TDRKH: variants seen among roughly 807,000 people sequenced by gnomAD.
The protein encoded by TDRKH is tudor and KH domain-containing protein.
TDRKH carries 28 observed loss-of-function variants against 61.3 expected under a neutral mutation model. That is an observed-to-expected ratio of 0.46 (90% CI 0.34 to 0.63). TDRKH has a LOEUF of 0.63. Among genes scored for constraint, TDRKH ranks in the 20% least tolerant of loss-of-function variants. TDRKH has a pLI of 0.01. For missense variants in TDRKH, 540 were observed against 683.4 expected, an observed-to-expected ratio of 0.79 and a Z score of 2.34; for synonymous variants, 219 against 244.4, an observed-to-expected ratio of 0.90 and a Z score of 0.97.
chr1:151,767,086 C>T (rs1648390990), downstream of TDRKH: 13 of 1,555,098 alleles, frequency 8.4e-6, no homozygotes, highest in African/African-American at 2.7e-5. Context: ...TACAGAAGAT[C>T]ATGCCAGAGC....
intron 11 of TDRKH, 72 bp downstream of exon 11, chr1:151,774,993 G>T: frequency 6.7e-7 from 1 of 1,491,202 alleles, no homozygotes; most frequent in Non-Finnish European, 9.3e-7. Context: ...ACAGTATCAG[G>T]ACTAGAAGCC....
At chr1:151,783,098 T>A (rs1003044350) in intron 1 of TDRKH, 49 bp from the exon 2 acceptor site, 1 of 1,555,904 alleles carries the variant, frequency 6.4e-7, no homozygotes, top group African/African-American at 1.4e-5. Context: ...CCAATCCTTT[T>A]ATGAATAGCA....
At chr1:151,770,769 C>T (rs964041031), downstream of TDRKH, among the ~76,000 whole-genome samples, 1 of 152,194 alleles carries the variant, frequency 6.6e-6, no homozygotes, top group East Asian at 1.9e-4. Flanking sequence ...TATAGGTAGA[C>T]CTCACTAATC....
rs1383496827 is a variant in TDRKH, at chr1:151,781,493, G to T, written c.219C>A (p.Ala73=). Residue 73 remains alanine, a synonymous_variant, in exon 3 of 13, where the codon GCC becomes GCA. Coordinates refer to ENST00000368824, the MANE Select transcript of TDRKH (RefSeq NM_001083965.2). ...CTCACACACTTACCTGTTTAATATT[G>T]GCTCCTTGCCGGCCAATGATGAGTT... The part of the protein sequence containing the change: ...AVKLIIGRQG[A]NIKQLRKQTG... 6.2e-7 allele frequency: 1 copy of T among 1,613,270 alleles called. No homozygotes were observed. Among genetic ancestry groups the T allele is most frequent in the East Asian group, 2.2e-5 (1 of 44,862 alleles).
At chr1:151,787,782 G>A (rs866082774) in intron 1 of TDRKH, among the ~76,000 whole-genome samples, 1 of 135,762 alleles carries the variant, frequency 7.4e-6, no homozygotes, top group Non-Finnish European at 1.5e-5. Context: ...GACTAGCCTG[G>A]GCAACATAGT....
At chr1:151,766,676 CACCT>C, downstream of TDRKH, 1 of 1,550,504 alleles carries the variant, frequency 6.4e-7, no homozygotes, top group Non-Finnish European at 8.7e-7. Flanking sequence ...CTCTGCCACC[CACCT>C]GTGAACTTCA....
At position 151,781,490 on chromosome 1, in the gene TDRKH, A is replaced by G. The variant is rs780532641; in HGVS notation, c.222T>C (p.Asn74=). ...CTACTCACACACTTACCTGTTTAAT[A>G]TTGGCTCCTTGCCGGCCAATGATGA... ...VKLIIGRQGA[N]IKQLRKQTGA... Residue 74 remains asparagine, a synonymous_variant, in exon 3 of 13, where the codon AAT becomes AAC. Transcript: ENST00000368824. The G allele has an allele frequency of 6.2e-7, 1 of 1,613,494 alleles. No individual in the cohort carries two copies. The highest frequency in any genetic ancestry group is 2.2e-5 in the East Asian group (1 of 44,880).
downstream of TDRKH, chr1:151,766,858 G>A (rs141059076): frequency 8.1e-6 from 13 of 1,612,576 alleles, no homozygotes; most frequent in East Asian, 2.2e-5. Context: ...ATCACTCTCC[G>A]GGAGAAGATG....
At chr1:151,767,995 C>T (rs966281028), downstream of TDRKH, 2 of 1,592,460 alleles carry the variant, frequency 1.3e-6, no homozygotes, top group Admixed American at 3.4e-5. Flanking sequence ...CTTCAACGGA[C>T]ACACCCCCAT....
rs752360217 is a variant in TDRKH at position 151,774,407 on chromosome 1, A to G, written c.*45T>C. On this transcript the variant is annotated 3_prime_UTR_variant, in exon 13 of 13. Transcript: ENST00000368824. ...GTTGCTACAGATAGATGATAGCTGC[A>G]CTCACACAGCAAAGCAGATGGCTGA... 1.2e-6 allele frequency: 2 copies of G among 1,603,130 alleles called. No individual in the cohort carries two copies. The highest frequency in any genetic ancestry group is 1.1e-5 in the South Asian group (1 of 90,316).
Position 151,782,980 on chromosome 1 carries a change from G to A in TDRKH, c.43C>T (p.Gln15Ter). 1 of 1,613,868 alleles carries A rather than the reference G, an allele frequency of 6.2e-7. No individual in the cohort carries two copies. The highest frequency in any genetic ancestry group is 8.5e-7 in the Non-Finnish European group (1 of 1,179,914). Residue 15 changes from glutamine to a stop codon, truncating the protein, a stop_gained, in exon 2 of 13, where the codon CAG becomes TAG. Coordinates refer to ENST00000368824, the MANE Select transcript of TDRKH (RefSeq NM_001083965.2). LOFTEE classifies it high-confidence loss of function. ...ATCCCAAGGCCCAGGGCTATTTTCT[G>A]AATGGTGGACAGGCTTGTCCAAGAA... ...RTSWTSLSTI[Q>*]KIALGLGIPA... is the part of the protein sequence containing the mutation.
chr1:151,767,172 T>G, downstream of TDRKH: 1 of 1,613,864 alleles, frequency 6.2e-7, no homozygotes, highest in Non-Finnish European at 8.5e-7. Flanking sequence ...GCATCACTTA[T>G]AAGGAAGAGG....
At position 151,775,384 on chromosome 1, in the gene TDRKH, A is replaced by C. The variant is rs202091105; in HGVS notation, c.1434+8T>G. Reference sequence around the variant, plus strand: ...ATATGGCAAGCAGTGAGTGAATGCCAGTCTTACCTTCCCATTGCTAGTATC... The same window carrying C: ...ATATGGCAAGCAGTGAGTGAATGCCCGTCTTACCTTCCCATTGCTAGTATC... On this transcript the variant is annotated splice_region_variant and intron_variant, in intron 10 of 12. Transcript: ENST00000368824. The C allele has an allele frequency of 2.7e-5, 44 of 1,607,860 alleles. No individual in the cohort carries two copies. The African/African-American group carries it at 4.4e-4, about 16-fold the overall frequency.
At chr1:151,772,754 A>T (rs1441588736), downstream of TDRKH, among the ~76,000 whole-genome samples, 1 of 152,238 alleles carries the variant, frequency 6.6e-6, no homozygotes, top group African/African-American at 2.4e-5. Flanking sequence ...GATTCCTCCA[A>T]GACTACATGA....
intron 1 of TDRKH, among the ~76,000 whole-genome samples, chr1:151,784,942 T>C (rs1473095772): frequency 6.6e-6 from 1 of 151,774 alleles, no homozygotes; most frequent in African/African-American, 2.4e-5. Flanking sequence ...CGTTTTTTTT[T>C]TTTTTTTTGA....
downstream of TDRKH, chr1:151,768,109 G>C (rs767885378): frequency 1.2e-6 from 2 of 1,613,826 alleles, no homozygotes; most frequent in African/African-American, 2.7e-5. Flanking sequence ...CCAGGACCCA[G>C]TACAGTTAGA....
At chr1:151,769,871 G>A (rs1448260414), downstream of TDRKH, among the ~76,000 whole-genome samples, 4 of 152,230 alleles carry the variant, frequency 2.6e-5, no homozygotes, top group Admixed American at 2.0e-4. Flanking sequence ...TTAGGAGCTG[G>A]AGACCAGCCC....
chr1:151,789,379 T>C (rs1176839781), intron 1 of TDRKH, among the ~76,000 whole-genome samples: 2 of 152,214 alleles, frequency 1.3e-5, no homozygotes, highest in Non-Finnish European at 2.9e-5. Flanking sequence ...AATAATATAA[T>C]GTAAACGGGG....
At chr1:151,788,377 A>G (rs897198875) in intron 1 of TDRKH, among the ~76,000 whole-genome samples, 3 of 152,228 alleles carry the variant, frequency 2.0e-5, no homozygotes, top group African/African-American at 7.2e-5. Context: ...AGCTGCCTTC[A>G]TGGAGTTTCC....
Sources: gnomAD v4.1 joint callset for allele counts (sites outside exome capture counted in the v4.1 genomes callset) on GRCh38, gnomAD v4.1.1 for gene constraint, MANE v1.5 for transcripts, NCBI Gene and HGNC (gene_info 2026-07-23, HGNC 2026-07-21) for gene names.